Variants in FNIP1 observed in about 807,000 individuals in gnomAD.
The protein encoded by FNIP1 is folliculin-interacting protein 1.
In FNIP1, 40 loss-of-function variants were observed where a neutral mutation model predicts 124.5. The ratio of observed to expected loss-of-function variants is 0.32; its 90% confidence interval spans 0.25 to 0.42. The LOEUF is 0.42. Ranked by LOEUF, FNIP1 falls within the 10% of genes least tolerant of loss-of-function variation. The pLI, the probability that FNIP1 is intolerant of heterozygous loss-of-function variation, is 1.00. For synonymous variants in FNIP1, 472 were observed against 470.6 expected (o/e 1.00, Z -0.04); for missense variants, 1,176 against 1,403.7 (o/e 0.84, Z 2.59).
Position 131,670,647 on chromosome 5 carries a change from C to T in FNIP1, c.2940-16G>A. 1 of 1,567,798 alleles carries T rather than the reference C, an allele frequency of 6.4e-7. No individual in the cohort carries two copies. Among genetic ancestry groups the T allele is most frequent in the Non-Finnish European group, 8.6e-7 (1 of 1,162,144 alleles). Reference sequence around the variant, plus strand: ...TAACTTTGACCTGGAAGAAAAATGCCCCCAAAAGACATTTATTTAGTAATA... The same window carrying T: ...TAACTTTGACCTGGAAGAAAAATGCTCCCAAAAGACATTTATTTAGTAATA... On this transcript the variant is annotated splice_polypyrimidine_tract_variant and intron_variant, in intron 14 of 17. Transcript: ENST00000510461.
At chr5:131,771,878 C>T (rs1175857813) in intron 1 of FNIP1, among the ~76,000 whole-genome samples, 4 of 152,226 alleles carry the variant, frequency 2.6e-5, no homozygotes, top group African/African-American at 4.8e-5. Flanking sequence ...ATTCCACCTA[C>T]GCACATTTGA....
chr5:131,732,616 G>A (rs1429160330), intron 2 of FNIP1, among the ~76,000 whole-genome samples: 1 of 152,114 alleles, frequency 6.6e-6, no homozygotes, highest in East Asian at 1.9e-4. Flanking sequence ...TTTTTGTCAG[G>A]TTTGTCAAAG....
chr5:131,688,775 G>C (rs1309318615), intron 11 of FNIP1, among the ~76,000 whole-genome samples: 6 of 148,042 alleles, frequency 4.1e-5, no homozygotes, highest in African/African-American at 9.8e-5. Context: ...ACATGACCAA[G>C]GAAAGAATCA....
In FNIP1 at chr5:131,731,045, T is replaced by A. The variant is rs1770070932; in HGVS notation, c.220-7A>T. 1 of 1,596,878 alleles carries A rather than the reference T, an allele frequency of 6.3e-7. No homozygotes were observed. Among genetic ancestry groups the A allele is most frequent in the African/African-American group, 1.4e-5 (1 of 73,892 alleles). ...GAGCATCACTGCCGAGTTTCTGAAA[T>A]AACAGATATTTCCACTCATGTTTTA... On this transcript the variant is annotated splice_polypyrimidine_tract_variant and splice_region_variant and intron_variant, in intron 2 of 17. Transcript: ENST00000510461.
intron 16 of FNIP1, among the ~76,000 whole-genome samples, chr5:131,648,594 A>G (rs1766958096): frequency 1.3e-5 from 2 of 152,186 alleles, no homozygotes; most frequent in Admixed American, 1.3e-4. Flanking sequence ...TGATAATGCC[A>G]TAAGAAAATT....
At chr5:131,723,366 T>C (rs1769740889) in intron 3 of FNIP1, among the ~76,000 whole-genome samples, 1 of 152,166 alleles carries the variant, frequency 6.6e-6, no homozygotes, top group South Asian at 2.1e-4. Flanking sequence ...GATTTTACTA[T>C]TATACAAATA....
At chr5:131,662,733 ATTTTTTT>A (rs34051607) in intron 15 of FNIP1, among the ~76,000 whole-genome samples, 4 of 76,950 alleles carry the variant, frequency 5.2e-5, no homozygotes, top group East Asian at 3.4e-4. Context: ...GATATTCTAG[ATTTTTTT>A]TTTTTTTTTT....
chr5:131,784,676 G>C, intron 1 of FNIP1, among the ~76,000 whole-genome samples: 1 of 151,570 alleles, frequency 6.6e-6, no homozygotes, highest in Non-Finnish European at 1.5e-5. Context: ...ATAAAAATTA[G>C]CTGGGCATGG....
intron 2 of FNIP1, among the ~76,000 whole-genome samples, chr5:131,731,716 G>C (rs531741971): frequency 2.8e-4 from 43 of 151,536 alleles, no homozygotes; most frequent in African/African-American, 8.7e-4. Context: ...AGGATCCCAA[G>C]AGTCTTTTGT....
In FNIP1 at chr5:131,643,371, T is replaced by C. The variant is rs1766772847; in HGVS notation, c.*1314A>G. ...ATCAATGATGAAATTATGATGAAAA[T>C]AGTCAATGAAAGCAGAAACCAACTT... On this transcript the variant is annotated 3_prime_UTR_variant, in exon 18 of 18. Transcript: ENST00000510461. 6.6e-6 allele frequency: 1 copy of C among 152,670 alleles called. No homozygotes were observed. 9.5% of individuals were successfully genotyped at this position (152,670 alleles called of 1,614,324 possible).
chr5:131,681,608 T>C (rs1424035617), intron 11 of FNIP1, among the ~76,000 whole-genome samples: 1 of 151,896 alleles, frequency 6.6e-6, no homozygotes, highest in East Asian at 1.9e-4. Flanking sequence ...GAGAATCTAA[T>C]TTTCAAAGAA....
At chr5:131,698,620 A>C (rs1199602086) in intron 11 of FNIP1, among the ~76,000 whole-genome samples, 1 of 152,148 alleles carries the variant, frequency 6.6e-6, no homozygotes, top group Non-Finnish European at 1.5e-5. Context: ...CAGTCCCTAC[A>C]TCTAGGATCC....
intron 11 of FNIP1, among the ~76,000 whole-genome samples, chr5:131,685,886 T>C (rs1768258958): frequency 6.6e-6 from 1 of 152,178 alleles, no homozygotes; most frequent in African/African-American, 2.4e-5. Flanking sequence ...ACTACTTATA[T>C]TCATAAGAGG....
At chr5:131,647,758 A>T (rs942666600) in intron 16 of FNIP1, among the ~76,000 whole-genome samples, 1 of 152,136 alleles carries the variant, frequency 6.6e-6, no homozygotes, top group Admixed American at 6.6e-5. Context: ...TACAAGTGTG[A>T]GCCACCATGT....
chr5:131,715,288 A>G (rs1221348036), intron 6 of FNIP1, among the ~76,000 whole-genome samples: 1 of 152,158 alleles, frequency 6.6e-6, no homozygotes, highest in Non-Finnish European at 1.5e-5. Flanking sequence ...GAGTTCGAGA[A>G]CAGCCTGGCC....
chr5:131,663,446 C>A (rs1256276437), intron 15 of FNIP1, among the ~76,000 whole-genome samples: 4 of 152,096 alleles, frequency 2.6e-5, no homozygotes, highest in Non-Finnish European at 4.4e-5. Context: ...AAAATAAGCG[C>A]TTGAATCAAA....
intron 15 of FNIP1, among the ~76,000 whole-genome samples, chr5:131,656,266 T>C (rs1276063561): frequency 1.3e-5 from 2 of 152,218 alleles, no homozygotes; most frequent in African/African-American, 4.8e-5. Flanking sequence ...CTTGAATGGC[T>C]TGATATGGAC....
rs1320881617 is a variant in FNIP1 at position 131,716,978 on chromosome 5, AT to A, written c.531-323del. Among the ~76,000 whole-genome samples, 5 of 151,254 alleles carry A rather than the reference AT, an allele frequency of 3.3e-5. No homozygotes were observed. In the South Asian group the frequency reaches 1.0e-3, roughly 31 times the overall value. ...TTGTCTGGCTCACAAAGCCAAAAAA[AT>A]ATATATATATTTTTTTTTATTATTA... is the stretch of plus-strand genomic sequence containing the variant. On this transcript the variant is annotated intron_variant, in intron 5 of 17. Coordinates refer to ENST00000510461, the MANE Select transcript of FNIP1 (RefSeq NM_133372.3).
At chr5:131,779,937 T>C (rs1208006899) in intron 1 of FNIP1, among the ~76,000 whole-genome samples, 2 of 151,816 alleles carry the variant, frequency 1.3e-5, no homozygotes, top group Non-Finnish European at 2.9e-5. Context: ...GCAGGGCTCA[T>C]GTCTATAATC....
Sources: gnomAD v4.1 joint callset for allele counts (sites outside exome capture counted in the v4.1 genomes callset) on GRCh38, gnomAD v4.1.1 for gene constraint, MANE v1.5 for transcripts, NCBI Gene and HGNC (gene_info 2026-07-23, HGNC 2026-07-21) for gene names.